Variants in PINX1 observed in about 807,000 individuals in gnomAD.
PINX1 encodes the protein PIN2/TERF1-interacting telomerase inhibitor 1.
A neutral mutation model predicts 25.4 loss-of-function variants in PINX1; 34 were observed. That is an observed-to-expected ratio of 1.34 (90% CI 1.02 to 1.78). The LOEUF is 1.78. PINX1 is among the 40% of genes most tolerant of loss of function. The pLI is 0.00. For synonymous variants in PINX1, 197 were observed against 147.7 expected, an observed-to-expected ratio of 1.33 and a Z score of -2.42; for missense variants, 592 against 404.9, an observed-to-expected ratio of 1.46 and a Z score of -3.97.
intron 6 of PINX1, among the ~76,000 whole-genome samples, chr8:10,781,201 A>AAAATGG (rs1480414450): frequency 6.6e-6 from 1 of 152,224 alleles, no homozygotes; most frequent in African/African-American, 2.4e-5. Context: ...AAATCAACTC[A>AAAATGG]AAATGGATTA....
At chr8:10,781,794 A>T (rs1297771745) in intron 6 of PINX1, among the ~76,000 whole-genome samples, 1 of 152,202 alleles carries the variant, frequency 6.6e-6, no homozygotes, top group Non-Finnish European at 1.5e-5. Flanking sequence ...CAAAGGAATT[A>T]AAAATACAAT....
chr8:10,802,116 T>G (rs561317835), intron 6 of PINX1, among the ~76,000 whole-genome samples: 2 of 152,038 alleles, frequency 1.3e-5, no homozygotes, highest in Non-Finnish European at 2.9e-5. Flanking sequence ...AAAAGGTAGT[T>G]TGGGGGACGG....
intron 1 of PINX1, among the ~76,000 whole-genome samples, chr8:10,836,711 C>T (rs1038389301): frequency 1.3e-5 from 2 of 152,204 alleles, no homozygotes; most frequent in East Asian, 3.9e-4. Context: ...TGGCAGTTTC[C>T]CATTGAAAAT....
chr8:10,820,197 G>T lies in PINX1; in HGVS notation c.467C>A (p.Pro156His). 1 of 1,602,362 alleles carries T rather than the reference G, an allele frequency of 6.2e-7. No individual in the cohort carries two copies. Among genetic ancestry groups the T allele is most frequent in the Non-Finnish European group, 8.5e-7 (1 of 1,169,602 alleles). The change falls in exon 6 of 7, where the codon CCC becomes CAC. Residue 156 changes from proline (P) to histidine (H), a missense_variant. Transcript: ENST00000314787. ...IFGKRQSKKT[P>H]EGDASPSTPE... is the part of the protein sequence containing the mutation. ...AAACTGTACGTGGCTTTATACCTCG[G>T]GAGTCTTCTTACTCTGTCTTTTCCC... is the stretch of plus-strand genomic sequence containing the variant.
chr8:10,784,098 T>C (rs1391581965), intron 6 of PINX1, among the ~76,000 whole-genome samples: 1 of 152,168 alleles, frequency 6.6e-6, no homozygotes, highest in East Asian at 1.9e-4. Context: ...ATTAATCCAA[T>C]TTAGAGTATC....
At chr8:10,822,568 G>T (rs1027545015) in intron 5 of PINX1, among the ~76,000 whole-genome samples, 3 of 152,188 alleles carry the variant, frequency 2.0e-5, no homozygotes, top group Non-Finnish European at 4.4e-5. Context: ...TTAGCTGTTT[G>T]TCTAATAATC....
intron 6 of PINX1, among the ~76,000 whole-genome samples, chr8:10,804,446 G>A (rs1344218994): frequency 6.6e-6 from 1 of 152,174 alleles, no homozygotes; most frequent in African/African-American, 2.4e-5. Flanking sequence ...CGGCATCAGG[G>A]AAGCAGATTA....
intron 6 of PINX1, among the ~76,000 whole-genome samples, chr8:10,780,538 A>C (rs1801553656): frequency 6.6e-6 from 1 of 152,136 alleles, no homozygotes; most frequent in Non-Finnish European, 1.5e-5. Context: ...CCAGCCTTGC[A>C]CGCCAAGGAT....
At chr8:10,833,244 T>A (rs1197099612) in intron 2 of PINX1, among the ~76,000 whole-genome samples, 2 of 152,140 alleles carry the variant, frequency 1.3e-5, no homozygotes, top group Non-Finnish European at 2.9e-5. Flanking sequence ...CTGGGAAACC[T>A]CAGAGGCACC....
intron 6 of PINX1, among the ~76,000 whole-genome samples, chr8:10,799,616 A>G (rs969799088): frequency 1.3e-5 from 2 of 152,240 alleles, no homozygotes; most frequent in Non-Finnish European, 2.9e-5. Flanking sequence ...GGAGCCACTC[A>G]GACCACATTG....
intron 4 of PINX1, among the ~76,000 whole-genome samples, chr8:10,830,199 T>C (rs993514840): frequency 1.3e-5 from 2 of 152,230 alleles, no homozygotes; most frequent in African/African-American, 4.8e-5. Context: ...ACAGAACTGT[T>C]AGGTTATTTC....
chr8:10,824,469 A>T (rs781751149), intron 5 of PINX1, among the ~76,000 whole-genome samples: 1 of 152,272 alleles, frequency 6.6e-6, no homozygotes, highest in East Asian at 1.9e-4. Context: ...TCTGTTCTGC[A>T]TACTGACTCC....
At chr8:10,835,627 C>T (rs989810998) in intron 1 of PINX1, among the ~76,000 whole-genome samples, 12 of 152,168 alleles carry the variant, frequency 7.9e-5, no homozygotes, top group Non-Finnish European at 1.2e-4. Context: ...TTTCCGGTTT[C>T]CCATTAGACC....
intron 6 of PINX1, among the ~76,000 whole-genome samples, chr8:10,814,801 T>C (rs1482237360): frequency 6.6e-6 from 1 of 152,212 alleles, no homozygotes; most frequent in Non-Finnish European, 1.5e-5. Context: ...ACTGAATCCC[T>C]ACCACGTGCC....
At chr8:10,825,258 C>A (rs566235824) in intron 5 of PINX1, 1 of 502,186 alleles carries the variant, frequency 2.0e-6, no homozygotes, top group East Asian at 5.8e-5. Flanking sequence ...CCCAGCAATG[C>A]CCTGATACGC....
intron 3 of PINX1, among the ~76,000 whole-genome samples, chr8:10,832,544 G>A (rs556644415): frequency 2.8e-4 from 43 of 152,138 alleles, no homozygotes; most frequent in South Asian, 4.2e-4. Flanking sequence ...TTTTAGCTCC[G>A]CCAATCCACT....
chr8:10,839,806 A>G lies in PINX1; in HGVS notation c.-50T>C, dbSNP rs1798516296. ...CCTCTGGACCTGGGTGACTGCGGCC[A>G]CTGGGCGGGCTGGAGACTCCAGGAG... On this transcript the variant is annotated 5_prime_UTR_variant, in exon 1 of 7. Coordinates refer to ENST00000314787, the MANE Select transcript of PINX1 (RefSeq NM_017884.6). 5 of 1,575,618 alleles carry G rather than the reference A, an allele frequency of 3.2e-6. No homozygotes were observed. The highest frequency in any genetic ancestry group is 4.3e-6 in the Non-Finnish European group (5 of 1,156,758).
At position 10,820,175 on chromosome 8, in the gene PINX1, C is replaced by G; in HGVS notation, c.471+18G>C. 1 of 1,516,324 alleles carries G rather than the reference C, an allele frequency of 6.6e-7. No individual in the cohort carries two copies. The highest frequency in any genetic ancestry group is 9.2e-7 in the Non-Finnish European group (1 of 1,091,484). 93.9% of individuals were successfully genotyped at this position (1,516,324 alleles called of 1,614,324 possible). On this transcript the variant is annotated intron_variant, in intron 6 of 6. Coordinates refer to ENST00000314787, the MANE Select transcript of PINX1 (RefSeq NM_017884.6). ...ACAGTATTAAAGCGGAACACGGAAACTGTACGTGGCTTTATACCTCGGGAG... is the reference window on the plus strand; with the variant it reads ...ACAGTATTAAAGCGGAACACGGAAAGTGTACGTGGCTTTATACCTCGGGAG...
chr8:10,800,821 C>T (rs964319233), intron 6 of PINX1, among the ~76,000 whole-genome samples: 1 of 152,168 alleles, frequency 6.6e-6, no homozygotes, highest in African/African-American at 2.4e-5. Context: ...TGAAAAAGGA[C>T]AGCACTCTCT....
Sources: gnomAD v4.1 joint callset for allele counts (sites outside exome capture counted in the v4.1 genomes callset) on GRCh38, gnomAD v4.1.1 for gene constraint, MANE v1.5 for transcripts, NCBI Gene and HGNC (gene_info 2026-07-23, HGNC 2026-07-21) for gene names.